Variants in PPP2R5C observed in about 807,000 individuals in gnomAD.
PPP2R5C encodes serine/threonine-protein phosphatase 2A 56 kDa regulatory subunit gamma isoform.
In PPP2R5C, 7 loss-of-function variants were observed where a neutral mutation model predicts 68.9. That is an observed-to-expected ratio of 0.10 (90% CI 0.06 to 0.19). PPP2R5C has a LOEUF of 0.19. PPP2R5C is among the 10% of genes least tolerant of loss of function. The pLI is 1.00. For missense variants in PPP2R5C, 348 were observed against 641.3 expected (o/e 0.54, Z 4.94); for synonymous variants, 210 against 222.2 (o/e 0.95, Z 0.49).
intron 1 of PPP2R5C, among the ~76,000 whole-genome samples, chr14:101,814,607 T>C (rs2039551236): frequency 6.6e-6 from 1 of 152,240 alleles, no homozygotes; most frequent in Non-Finnish European, 1.5e-5. Flanking sequence ...AGGTTTTGCC[T>C]TGCAGCAAAA....
rs1161368704 is a variant in PPP2R5C, at chr14:101,877,523, T to C, written c.295-4638T>C. On this transcript the variant is annotated intron_variant, in intron 2 of 13. Transcript: ENST00000334743. The surrounding 1 kb of genome is among the most constrained non-coding windows in gnomAD (Gnocchi z 4.2). ...TGTTCACTGCATAACGTTGATGTCT[T>C]CTCTGTTTCCTCAGACCGGATCCAT... Among the ~76,000 whole-genome samples the C allele has an allele frequency of 6.6e-6, 1 of 152,064 alleles. No individual in the cohort carries two copies. Among genetic ancestry groups the C allele is most frequent in the Non-Finnish European group, 1.5e-5 (1 of 68,012 alleles).
intron 2 of PPP2R5C, among the ~76,000 whole-genome samples, chr14:101,780,900 C>T (rs925791956): frequency 5.4e-4 from 82 of 152,152 alleles, no homozygotes; most frequent in African/African-American, 1.9e-3. Context: ...ACCCCAGACC[C>T]AGAGTCCAGG....
At position 101,771,222 on chromosome 14, in the gene PPP2R5C, CGTGT is replaced by C. The variant is rs3993402; in HGVS notation, c.93+8291_93+8294del. On this transcript the variant is annotated intron_variant, in intron 2 of 14. Transcript: ENST00000328724. Reference sequence around the variant, plus strand: ...AGGGCATTTGGCTTTTTCTTCATCTCGTGTGTGTGTGTGTGTGTGTGTGTGTGTG... The same window carrying C: ...AGGGCATTTGGCTTTTTCTTCATCTCGTGTGTGTGTGTGTGTGTGTGTGTG... Among the ~76,000 whole-genome samples, 1,030 of 135,472 alleles carry C rather than the reference CGTGT, an allele frequency of 7.6e-3. 13 individuals are homozygous for C. The highest frequency in any genetic ancestry group is 0.025 in the African/African-American group (879 of 35,428). The allele number at this position is 135,472 out of a possible 152,430, so 88.9% of individuals were successfully genotyped here.
In PPP2R5C at chr14:101,797,567, A is replaced by G. The variant is rs1028385112; in HGVS notation, c.259+11384A>G. On this transcript the variant is annotated intron_variant, in intron 3 of 14. Coordinates refer to the PPP2R5C transcript ENST00000328724. The surrounding 1 kb of genome is among the most constrained non-coding windows in gnomAD (Gnocchi z 4.2). Reference sequence around the variant, plus strand: ...GCCAAAACCCCAGCCAGGGCCACCTATCCCTTCACCTCCCTCCACCTCGGA... The same window carrying G: ...GCCAAAACCCCAGCCAGGGCCACCTGTCCCTTCACCTCCCTCCACCTCGGA... The G allele has an allele frequency of 3.7e-6, 1 of 267,710 alleles. No homozygotes were observed. The highest frequency in any genetic ancestry group is 2.2e-5 in the African/African-American group (1 of 44,912). 16.6% of individuals were successfully genotyped at this position (267,710 alleles called of 1,614,324 possible). A position where few individuals can be genotyped will look rare whatever the true frequency, so the allele number is the denominator to read the frequency against.
chr14:101,858,183 GA>G (rs1367835429), intron 2 of PPP2R5C, among the ~76,000 whole-genome samples: 2 of 152,136 alleles, frequency 1.3e-5, no homozygotes, highest in African/African-American at 4.8e-5. Flanking sequence ...TCAGACTAAT[GA>G]CACTTGGGGA....
upstream of PPP2R5C, chr14:101,761,791 G>GGCGGCGGCGGCC (rs2036551677): frequency 1.0e-6 from 1 of 971,104 alleles, no homozygotes; most frequent in Non-Finnish European, 1.2e-6. Context: ...GGGCGGCGGC[G>GGCGGCGGCGGCC]GCGGCGGCGG....
intron 13 of PPP2R5C, 148 bp downstream of exon 15, chr14:101,918,095 T>G: frequency 8.4e-7 from 1 of 1,194,928 alleles, no homozygotes; most frequent in East Asian, 2.6e-5. Context: ...AAACATTGTA[T>G]CGATAGATCT....
At position 101,797,341 on chromosome 14, in the gene PPP2R5C, C is replaced by G; in HGVS notation, c.259+11158C>G. ...GGATGGACGCGTGGGTTGCAGAGCA[C>G]GCCACACACATTCAGTCAGTACACG... On this transcript the variant is annotated intron_variant, in intron 3 of 14. Coordinates refer to the PPP2R5C transcript ENST00000328724. This position sits in a 1 kb window ranked among gnomAD's most constrained non-coding sequence, Gnocchi z 4.2. 2.2e-6 allele frequency: 1 copy of G among 455,710 alleles called. No individual in the cohort carries two copies. Among genetic ancestry groups the G allele is most frequent in the Non-Finnish European group, 4.4e-6 (1 of 226,546 alleles). 28.2% of individuals were successfully genotyped at this position (455,710 alleles called of 1,614,324 possible). A position where few individuals can be genotyped will look rare whatever the true frequency, so the allele number is the denominator to read the frequency against.
At chr14:101,861,764 C>G (rs1289487620) in intron 2 of PPP2R5C, among the ~76,000 whole-genome samples, 1 of 152,182 alleles carries the variant, frequency 6.6e-6, no homozygotes, top group Non-Finnish European at 1.5e-5. Flanking sequence ...CCATTTTTAC[C>G]TGAAAACTGA....
At chr14:101,829,078 G>A (rs540978777) in intron 1 of PPP2R5C, among the ~76,000 whole-genome samples, 2 of 152,170 alleles carry the variant, frequency 1.3e-5, no homozygotes, top group African/African-American at 2.4e-5. Flanking sequence ...AATCTGAATC[G>A]TGTTTCTTTT....
At chr14:101,914,283 G>A (rs895834108) in intron 12 of PPP2R5C, 4 of 437,292 alleles carry the variant, frequency 9.1e-6, no homozygotes, top group Middle Eastern at 7.5e-4. Context: ...GTCCCCATGA[G>A]TCTCGTCCAC....
chr14:101,831,776 C>T (rs1461887969), intron 1 of PPP2R5C: 2 of 702,380 alleles, frequency 2.8e-6, no homozygotes, highest in Non-Finnish European at 5.2e-6. Flanking sequence ...TGCGGGCCGA[C>T]TGTGGGACTT....
intron 2 of PPP2R5C, among the ~76,000 whole-genome samples, chr14:101,776,743 T>A (rs1398130464): frequency 4.6e-5 from 7 of 152,096 alleles, no homozygotes; most frequent in Non-Finnish European, 1.0e-4. Flanking sequence ...ACCAGTCTGC[T>A]CTCTGTAGAT....
chr14:101,796,223 TG>T (rs772273026), intron 3 of PPP2R5C, among the ~76,000 whole-genome samples: 28 of 152,248 alleles, frequency 1.8e-4, no homozygotes, highest in Non-Finnish European at 2.9e-4. Context: ...GCTTCTTGCC[TG>T]TTAGTTGAAG....
At chr14:101,776,026 C>CG (rs1242602089) in intron 2 of PPP2R5C, among the ~76,000 whole-genome samples, 5 of 145,562 alleles carry the variant, frequency 3.4e-5, no homozygotes, top group Admixed American at 2.7e-4. Flanking sequence ...GATTGTGCCC[C>CG]CCCCCCACTC....
intron 2 of PPP2R5C, chr14:101,766,343 T>C (rs1186574273): frequency 1.3e-5 from 2 of 152,224 alleles, no homozygotes; most frequent in African/African-American, 4.8e-5. Flanking sequence ...GATTCTTGCT[T>C]TGCCATAAAT....
In PPP2R5C at chr14:101,907,942, C is replaced by T. The variant is rs116088973; in HGVS notation, c.1151+1413C>T. 9.9e-3 allele frequency among the ~76,000 whole-genome samples: 1,500 copies of T among 152,266 alleles called. 17 individuals carry two copies. Among genetic ancestry groups the T allele is most frequent in the African/African-American group, 0.034 (1,427 of 41,522 alleles). On this transcript the variant is annotated intron_variant, in intron 10 of 13. Transcript: ENST00000334743. ...AGCGAGCGTCCAGCCAGTCCACTCG[C>T]GTCAAGTCTTCTGAGGGTTGCCGCC...
intron 2 of PPP2R5C, among the ~76,000 whole-genome samples, chr14:101,782,041 C>T (rs1174853366): frequency 6.8e-6 from 1 of 146,120 alleles, no homozygotes; most frequent in Non-Finnish European, 1.5e-5. Flanking sequence ...CCCTCCCTCC[C>T]TCTCTCCCCC....
chr14:101,904,040 T>TA, intron 9 of PPP2R5C, among the ~76,000 whole-genome samples: 1 of 152,356 alleles, frequency 6.6e-6, no homozygotes, highest in East Asian at 1.9e-4. Flanking sequence ...TGGAAAAATT[T>TA]AAAGTTTAAA....
Sources: allele counts gnomAD v4.1 joint callset (sites outside exome capture counted in the v4.1 genomes callset), GRCh38; gene constraint gnomAD v4.1.1; non-coding constraint Gnocchi (gnomAD v3.1); transcripts MANE v1.5; gene names NCBI Gene and HGNC (gene_info 2026-07-23, HGNC 2026-07-21).